The following VAPA variants were observed in gnomAD, a reference collection of about 807,000 sequenced individuals.
VAPA encodes vesicle-associated membrane protein-associated protein A.
In VAPA, 6 loss-of-function variants were observed where a neutral mutation model predicts 25.6. That is an observed-to-expected ratio of 0.23 (90% CI 0.13 to 0.46). VAPA has a LOEUF of 0.46. VAPA is among the 20% of genes least tolerant of loss of function. VAPA has a pLI of 0.99. For missense variants in VAPA, 244 were observed against 302.1 expected (o/e 0.81, Z 1.43); for synonymous variants, 112 against 106.2 (o/e 1.05, Z -0.34).
In VAPA at chr18:9,914,078, G is replaced by T. The variant is rs936513261; in HGVS notation, c.-179G>T. 3.7e-6 allele frequency: 2 copies of T among 534,350 alleles called. No individual in the cohort carries two copies. The highest frequency in any genetic ancestry group is 3.3e-6 in the Non-Finnish European group (1 of 306,408). 33.1% of individuals were successfully genotyped at this position (534,350 alleles called of 1,614,324 possible). ...GGGGTTGAGTCAGTTGTGGGACCCG[G>T]AGCTGCTGACCCAGCGGGTGGCCCA... On this transcript the variant is annotated 5_prime_UTR_variant, in exon 1 of 6. Coordinates refer to ENST00000400000, the MANE Select transcript of VAPA (RefSeq NM_194434.3).
chr18:9,949,189 G>C (rs1434747097), intron 4 of VAPA: 1 of 152,114 alleles, frequency 6.6e-6, no homozygotes, highest in Non-Finnish European at 1.5e-5. Flanking sequence ...AGAAATGGGG[G>C]TGAAGAACAA....
Position 9,938,847 on chromosome 18 carries a change from C to T in VAPA, c.417+1781C>T, listed in dbSNP as rs111703144. ...GAGGAGTACAGTGAACCTCTGTGAA[C>T]TTATGAGCAGCTTTAACAATGACTA... On this transcript the variant is annotated intron_variant, in intron 4 of 5. Coordinates refer to ENST00000400000, the MANE Select transcript of VAPA (RefSeq NM_194434.3). Among the ~76,000 whole-genome samples the T allele has an allele frequency of 2.9e-3, 434 of 152,244 alleles. 2 individuals carry two copies. The highest frequency in any genetic ancestry group is 9.7e-3 in the African/African-American group (404 of 41,534).
intron 1 of VAPA, chr18:9,925,098 G>A (rs776672097): frequency 1.3e-5 from 2 of 152,018 alleles, no homozygotes; most frequent in African/African-American, 4.8e-5. Context: ...GGTCCCTTCC[G>A]GTTGGTAACT....
chr18:9,921,434 T>C (rs1301653755), intron 1 of VAPA, among the ~76,000 whole-genome samples: 1 of 152,224 alleles, frequency 6.6e-6, no homozygotes, highest in Non-Finnish European at 1.5e-5. Flanking sequence ...GAAAATGCTA[T>C]TTTTCTGTGA....
At chr18:9,944,333 GA>G in intron 4 of VAPA, among the ~76,000 whole-genome samples, 1 of 152,066 alleles carries the variant, frequency 6.6e-6, no homozygotes, top group Non-Finnish European at 1.5e-5. Context: ...TATAATTAGG[GA>G]ATCCCTTTCC....
chr18:9,933,065 C>T (rs1469881887), intron 2 of VAPA, among the ~76,000 whole-genome samples: 3 of 147,452 alleles, frequency 2.0e-5, no homozygotes, highest in Non-Finnish European at 3.0e-5. Flanking sequence ...GGAGACTGCA[C>T]GAGTAAGACT....
rs577007879 is a variant in VAPA, at chr18:9,919,308, C to T, written c.79+4973C>T. 2.6e-4 allele frequency among the ~76,000 whole-genome samples: 40 copies of T among 152,252 alleles called. No individual in the cohort carries two copies. The South Asian group carries it at 6.2e-3, about 24-fold the overall frequency. On this transcript the variant is annotated intron_variant, in intron 1 of 5. Transcript: ENST00000400000. ...GTCCACTTCAATGTGTTTCTACTTC[C>T]AAATTCATTTATTTTTAAAATTCAT...
intron 5 of VAPA, 127 bp from the exon 6 acceptor site, chr18:9,953,926 T>A: frequency 9.2e-7 from 1 of 1,087,174 alleles, no homozygotes; most frequent in Non-Finnish European, 1.3e-6. Flanking sequence ...TAGCAGTTAA[T>A]CCCCTTTTCC....
At chr18:9,917,816 A>C (rs542063824) in intron 1 of VAPA, among the ~76,000 whole-genome samples, 5 of 152,050 alleles carry the variant, frequency 3.3e-5, no homozygotes, top group Non-Finnish European at 7.4e-5. Context: ...GCGGGGGGGA[A>C]ATTAGAGAAT....
At position 9,957,381 on chromosome 18, in the gene VAPA, TG is replaced by T. The variant is rs2069562373; in HGVS notation, c.*3173del. On this transcript the variant is annotated 3_prime_UTR_variant, in exon 6 of 6. Coordinates refer to ENST00000400000, the MANE Select transcript of VAPA (RefSeq NM_194434.3). ...CACCTAAAGTTGATATTATTTGGTA[TG>T]GGAATTACTTTTGAACTGTAATCTT... The T allele has an allele frequency of 6.6e-6, 1 of 152,220 alleles. No homozygotes were observed. The allele number at this position is 152,220 out of a possible 1,614,324, so 9.4% of individuals were successfully genotyped here.
Position 9,950,398 on chromosome 18 carries a change from G to A in VAPA, c.421G>A (p.Asp141Asn). 6.2e-7 allele frequency: 1 copy of A among 1,611,632 alleles called. No individual in the cohort carries two copies. The highest frequency in any genetic ancestry group is 8.5e-7 in the Non-Finnish European group (1 of 1,179,402). The change falls in exon 5 of 6, where the codon GAT becomes AAT. Residue 141 changes from aspartate to asparagine, a missense_variant. By Grantham distance (23) the Asp-to-Asn change is conservative (BLOSUM62 1). Around this residue, in one of 2 missense-constraint regions of VAPA, gnomAD observed 145 missense variants for 140.6 expected, o/e 1.03. Coordinates refer to ENST00000400000, the MANE Select transcript of VAPA (RefSeq NM_194434.3). ...EMPNENDKLNDMEPSKAVPLN... is the reference protein window; with the variant it reads ...EMPNENDKLNNMEPSKAVPLN... ...TCCCAATATCTTTGTAATGCAGAAT[G>A]ATATGGAACCTAGCAAAGCTGTTCC...
intron 1 of VAPA, among the ~76,000 whole-genome samples, chr18:9,929,835 C>T (rs1310235567): frequency 2.0e-5 from 3 of 152,106 alleles, no homozygotes; most frequent in Admixed American, 6.5e-5. Flanking sequence ...GATAATTCTA[C>T]GTTTTACTCG....
intron 1 of VAPA, 24 bp from the exon 2 acceptor site, chr18:9,931,786 C>G (rs1555615926): frequency 7.0e-6 from 11 of 1,576,020 alleles, no homozygotes; most frequent in Admixed American, 3.9e-5. Flanking sequence ...ATTTTGTTTT[C>G]TCTTTAATTT....
chr18:9,922,794 TC>T (rs2069168129), intron 1 of VAPA, among the ~76,000 whole-genome samples: 1 of 152,152 alleles, frequency 6.6e-6, no homozygotes, highest in South Asian at 2.1e-4. Context: ...TACAGCCTCT[TC>T]CTGTGATGCC....
intron 1 of VAPA, among the ~76,000 whole-genome samples, chr18:9,919,100 C>G (rs896259024): frequency 5.9e-5 from 9 of 152,138 alleles, no homozygotes; most frequent in Non-Finnish European, 1.0e-4. Flanking sequence ...CCAGGCTGAT[C>G]TCGAACTCCT....
intron 2 of VAPA, 121 bp downstream of exon 2, chr18:9,932,083 C>G (rs1251752070): frequency 1.4e-6 from 1 of 731,992 alleles, no homozygotes; most frequent in African/African-American, 1.8e-5. Flanking sequence ...CTGGTTTTGC[C>G]TTTAAAGATG....
intron 4 of VAPA, chr18:9,948,214 C>T (rs1054330254): frequency 6.6e-6 from 1 of 152,068 alleles, no homozygotes; most frequent in Non-Finnish European, 1.5e-5. Context: ...AAGTCTAATT[C>T]TATTAGAATT....
chr18:9,914,030 C>T lies in VAPA; in HGVS notation c.-227C>T, dbSNP rs1253678100. ...CGTGGGTCGCCGAGGCTCGCAAGTG[C>T]GCGTGGCCGTGGCGGCTGGTGTGGG... On this transcript the variant is annotated 5_prime_UTR_variant, in exon 1 of 6. Transcript: ENST00000400000. 1.1e-5 allele frequency: 5 copies of T among 465,472 alleles called. No individual in the cohort carries two copies. In the East Asian group the frequency reaches 1.6e-4, roughly 15 times the overall value. 28.8% of individuals were successfully genotyped at this position (465,472 alleles called of 1,614,324 possible).
chr18:9,924,401 G>T (rs574050886), intron 1 of VAPA, among the ~76,000 whole-genome samples: 162 of 152,192 alleles, frequency 1.1e-3, no homozygotes, highest in Non-Finnish European at 1.6e-3. Flanking sequence ...TTACGTATGT[G>T]TACATCTTAT....
Sources: gnomAD v4.1 joint callset for allele counts (sites outside exome capture counted in the v4.1 genomes callset) on GRCh38, gnomAD v4.1.1 for gene constraint, gnomAD v4.1.1 regional missense constraint, MANE v1.5 for transcripts, NCBI Gene and HGNC (gene_info 2026-07-23, HGNC 2026-07-21) for gene names.